LRRC4C: variants seen among roughly 807,000 people sequenced by gnomAD.
LRRC4C encodes the protein leucine rich repeat containing 4C.
Under a neutral mutation model 33.6 loss-of-function variants are expected in LRRC4C, and 5 were observed. The ratio of observed to expected loss-of-function variants is 0.15; its 90% CI spans 0.08 to 0.31. LRRC4C has a LOEUF of 0.31. Among genes scored for constraint, LRRC4C ranks in the 10% least tolerant of loss-of-function variants. The probability of loss-of-function intolerance (pLI) is 1.00; values close to 1 mark genes in which losing one functional copy is unlikely to be tolerated. For missense variants in LRRC4C, 560 were observed against 796.7 expected, an observed-to-expected ratio of 0.70 and a Z score of 3.58; for synonymous variants, 329 against 302.0, an observed-to-expected ratio of 1.09 and a Z score of -0.93.
At chr11:40,431,946 A>G (rs1418943140) in intron 3 of LRRC4C, among the ~76,000 whole-genome samples, 2 of 152,194 alleles carry the variant, frequency 1.3e-5, no homozygotes, top group African/African-American at 4.8e-5. Flanking sequence ...CCAAAGATTT[A>G]TGGTCAGGAC....
In LRRC4C at chr11:40,787,810, A is replaced by G. The variant is rs530820202; in HGVS notation, c.-406-139532T>C. On this transcript the variant is annotated intron_variant, in intron 2 of 6. Transcript: ENST00000528697. ...AGTCTAACCATGCTTTTTCCAAATG[A>G]CTATATTTAGAAAATTATCCTTTAT... Among the ~76,000 whole-genome samples the G allele has an allele frequency of 2.6e-5, 4 of 152,332 alleles. No homozygotes were observed. The South Asian group carries it at 8.3e-4, about 32-fold the overall frequency.
intron 1 of LRRC4C, among the ~76,000 whole-genome samples, chr11:40,984,385 AAG>A (rs1274375208): frequency 1.0e-4 from 14 of 136,136 alleles, no homozygotes; most frequent in African/African-American, 3.7e-4. Context: ...GAAAGAAAGA[AAG>A]AAAGAAAGAA....
At position 41,320,468 on chromosome 11, in the gene LRRC4C, A is replaced by G. The variant is rs1453823394; in HGVS notation, c.-496+138963T>C. On this transcript the variant is annotated intron_variant, in intron 1 of 6. Coordinates refer to ENST00000528697, the MANE Select transcript of LRRC4C (RefSeq NM_001258419.2). ...AGAATAGTGATTTCCATTTCTGTCT[A>G]AATAGATGTCTATGGTGCATTACAC... Among the ~76,000 whole-genome samples, 7 of 152,348 alleles carry G rather than the reference A, an allele frequency of 4.6e-5. No homozygotes were observed. In the East Asian group the frequency reaches 1.4e-3, roughly 29 times the overall value.
At chr11:41,297,952 C>T (rs1317095055) in intron 1 of LRRC4C, among the ~76,000 whole-genome samples, 2 of 152,058 alleles carry the variant, frequency 1.3e-5, no homozygotes, top group African/African-American at 4.8e-5. Context: ...AGTAATAACC[C>T]AGAGATAGCC....
intron 3 of LRRC4C, among the ~76,000 whole-genome samples, chr11:40,455,474 T>A: frequency 6.6e-6 from 1 of 152,194 alleles, no homozygotes; most frequent in East Asian, 1.9e-4. Context: ...ATTTCAGTGA[T>A]AGCTTTGAGA....
chr11:40,865,931 G>GA (rs931355794), intron 2 of LRRC4C, among the ~76,000 whole-genome samples: 40 of 149,822 alleles, frequency 2.7e-4, no homozygotes, highest in Admixed American at 2.1e-3. Flanking sequence ...ATATGAGTTT[G>GA]AAAAAAAAAT....
chr11:40,635,113 C>T (rs778977434), intron 3 of LRRC4C, among the ~76,000 whole-genome samples: 1 of 152,100 alleles, frequency 6.6e-6, no homozygotes, highest in Non-Finnish European at 1.5e-5. Flanking sequence ...CCTATACCTC[C>T]AGGCAAAATA....
intron 2 of LRRC4C, among the ~76,000 whole-genome samples, chr11:40,803,257 G>A (rs1318901572): frequency 1.3e-5 from 2 of 152,094 alleles, no homozygotes; most frequent in Non-Finnish European, 2.9e-5. Context: ...GGAAATGGAG[G>A]CACAAAAAGA....
At chr11:40,715,326 T>A (rs1946651753) in intron 2 of LRRC4C, among the ~76,000 whole-genome samples, 1 of 152,144 alleles carries the variant, frequency 6.6e-6, no homozygotes, top group Non-Finnish European at 1.5e-5. Context: ...GAAATTCAAA[T>A]TCATAAAGAC....
intron 1 of LRRC4C, among the ~76,000 whole-genome samples, chr11:41,020,362 C>T (rs150521013): frequency 7.2e-5 from 11 of 152,146 alleles, no homozygotes; most frequent in African/African-American, 2.4e-4. Flanking sequence ...TGCATATGAT[C>T]GTCTGTGGAA....
At chr11:40,842,784 C>T (rs1344413785) in intron 2 of LRRC4C, among the ~76,000 whole-genome samples, 2 of 152,108 alleles carry the variant, frequency 1.3e-5, no homozygotes. Context: ...GGTCCTAGAT[C>T]ATAAACATTA....
chr11:40,577,997 G>T, intron 3 of LRRC4C, among the ~76,000 whole-genome samples: 1 of 151,150 alleles, frequency 6.6e-6, no homozygotes, highest in Admixed American at 6.6e-5. Context: ...ACTATGCCCG[G>T]TTAATTTTTT....
intron 2 of LRRC4C, among the ~76,000 whole-genome samples, chr11:40,833,784 A>AAT (rs71060980): frequency 0.6 from 91,226 of 151,948 alleles, 31,944 homozygotes; most frequent in East Asian, 0.86. Context: ...ATTTAGAAAT[A>AAT]ATTTTTGAAT....
chr11:41,442,391 C>A (rs1260698977), intron 1 of LRRC4C, among the ~76,000 whole-genome samples: 1 of 147,552 alleles, frequency 6.8e-6, no homozygotes, highest in Non-Finnish European at 1.5e-5. Context: ...TGGCAAATTT[C>A]AACAAATAGG....
chr11:40,519,018 C>A (rs1435630643), intron 3 of LRRC4C, among the ~76,000 whole-genome samples: 1 of 152,104 alleles, frequency 6.6e-6, no homozygotes, highest in Non-Finnish European at 1.5e-5. Flanking sequence ...CATATTCTCA[C>A]TCATAAGTGG....
chr11:40,677,794 C>T (rs1591441578), intron 2 of LRRC4C, among the ~76,000 whole-genome samples: 1 of 152,154 alleles, frequency 6.6e-6, no homozygotes, highest in African/African-American at 2.4e-5. Context: ...GTGAGCAGAG[C>T]TGTTTGGGGT....
intron 1 of LRRC4C, among the ~76,000 whole-genome samples, chr11:41,146,724 A>G (rs1034670825): frequency 6.6e-6 from 1 of 152,214 alleles, no homozygotes; most frequent in Non-Finnish European, 1.5e-5. Flanking sequence ...TTATTTTTCC[A>G]AGTGATGTAA....
At chr11:40,215,835 C>T (rs565968049) in intron 5 of LRRC4C, among the ~76,000 whole-genome samples, 1 of 152,162 alleles carries the variant, frequency 6.6e-6, no homozygotes, top group African/African-American at 2.4e-5. Context: ...AATTAAGAAC[C>T]GCTAAGAAGG....
In LRRC4C at chr11:40,115,445, G is replaced by T; in HGVS notation, c.848C>A (p.Pro283His). The change falls in exon 7 of 7, where the codon CCT (proline) becomes CAT (histidine). Residue 283 changes from proline (P) to histidine (H), a missense_variant. Coordinates refer to ENST00000528697, the MANE Select transcript of LRRC4C (RefSeq NM_001258419.2). This position sits in a 1 kb window ranked among gnomAD's most constrained non-coding sequence, Gnocchi z 6.7. ...ATGCAAGGGAGTGAAGAGGTCATGA[G>T]GCAGTAATGTTAGATTATTGTGTGC... ...NLAHNNLTLL[P>H]HDLFTPLHHL... 1 of 1,614,192 alleles carries T rather than the reference G, an allele frequency of 6.2e-7. No individual in the cohort carries two copies. Among genetic ancestry groups the T allele is most frequent in the Non-Finnish European group, 8.5e-7 (1 of 1,180,038 alleles).
Sources: gnomAD v4.1 joint callset for allele counts (sites outside exome capture counted in the v4.1 genomes callset) on GRCh38, gnomAD v4.1.1 for gene constraint, Gnocchi (gnomAD v3.1) non-coding constraint, MANE v1.5 for transcripts, NCBI Gene and HGNC (gene_info 2026-07-23, HGNC 2026-07-21) for gene names.